SLC25A30: variants seen among roughly 807,000 people sequenced by gnomAD.
SLC25A30 encodes solute carrier family 25 member 30, also known as kidney mitochondrial carrier protein 1.
A neutral mutation model predicts 42.7 loss-of-function variants in SLC25A30; 29 were observed. The observed-to-expected ratio is 0.68, with a 90% CI of 0.51 to 0.93. The LOEUF is 0.93. Ranked by LOEUF, SLC25A30 falls within the 40% of genes least tolerant of loss-of-function variation. The pLI is 0.00. For synonymous variants in SLC25A30, 124 were observed against 131.0 expected (o/e 0.95, Z 0.37); for missense variants, 300 against 359.7 (o/e 0.83, Z 1.34).
intron 1 of SLC25A30, among the ~76,000 whole-genome samples, chr13:45,416,367 C>G (rs963421846): frequency 6.6e-6 from 1 of 151,872 alleles, no homozygotes; most frequent in Non-Finnish European, 1.5e-5. Flanking sequence ...GAGACCGCAC[C>G]ACTGCACCCC....
At chr13:45,404,518 T>C in intron 4 of SLC25A30, 106 bp from the exon 5 acceptor site, 2 of 804,214 alleles carry the variant, frequency 2.5e-6, no homozygotes, top group Non-Finnish European at 4.3e-6. Flanking sequence ...CACCTTAAGA[T>C]GTAAAAACAT....
chr13:45,427,539 T>TC, the SLC25A30 span, among the ~76,000 whole-genome samples: 2 of 152,076 alleles, frequency 1.3e-5, no homozygotes, highest in Non-Finnish European at 2.9e-5. Flanking sequence ...CATCCACGTT[T>TC]CCCCATCTCC....
chr13:45,423,598 T>TAAAAA, the SLC25A30 span, among the ~76,000 whole-genome samples: 1 of 105,192 alleles, frequency 9.5e-6, no homozygotes, highest in African/African-American at 3.9e-5. Flanking sequence ...TAAATATATA[T>TAAAAA]ATATATAAAT....
At chr13:45,420,703 T>A (rs190810953), upstream of SLC25A30, among the ~76,000 whole-genome samples, 6 of 152,036 alleles carry the variant, frequency 3.9e-5, no homozygotes, top group East Asian at 1.2e-3. Context: ...TGTGCTTTTG[T>A]TTTGTTTTGT....
the SLC25A30 span, among the ~76,000 whole-genome samples, chr13:45,433,443 C>G: frequency 1.3e-5 from 2 of 152,176 alleles, no homozygotes; most frequent in Non-Finnish European, 2.9e-5. Flanking sequence ...CAAGTACATT[C>G]ACAGAATAAC....
At chr13:45,429,654 G>A in the SLC25A30 span, among the ~76,000 whole-genome samples, 2 of 151,576 alleles carry the variant, frequency 1.3e-5, no homozygotes, top group African/African-American at 4.8e-5. Flanking sequence ...AACATGGAGA[G>A]ACCCTGTCTC....
rs868345827 is a variant in SLC25A30, at chr13:45,418,358, G to A, written c.-114C>T. 10 of 152,340 alleles carry A rather than the reference G, an allele frequency of 6.6e-5. No individual in the cohort carries two copies. The highest frequency in any genetic ancestry group is 1.9e-4 in the African/African-American group (8 of 41,448). 9.4% of individuals were successfully genotyped at this position (152,340 alleles called of 1,614,324 possible). The stretch of plus-strand genomic sequence containing the variant: ...GGACTCAGTTGTAACAAGAACCTGA[G>A]GCCGCTGGAGAAAAGGAAAAAATGC... On this transcript the variant is annotated 5_prime_UTR_variant, in exon 1 of 10. Transcript: ENST00000519676.
chr13:45,427,670 C>T, the SLC25A30 span, among the ~76,000 whole-genome samples: 2 of 152,004 alleles, frequency 1.3e-5, no homozygotes, highest in South Asian at 2.1e-4. Flanking sequence ...ATTAATCTGC[C>T]GTTTGTGAAT....
the SLC25A30 span, among the ~76,000 whole-genome samples, chr13:45,433,668 G>A: frequency 2.6e-5 from 4 of 152,198 alleles, no homozygotes; most frequent in African/African-American, 4.8e-5. Flanking sequence ...GGAAGAGTCA[G>A]GGAAGCTGGC....
upstream of SLC25A30, among the ~76,000 whole-genome samples, chr13:45,421,862 C>T (rs1213203654): frequency 6.6e-6 from 1 of 152,174 alleles, no homozygotes; most frequent in African/African-American, 2.4e-5. Context: ...CCATAAGAAT[C>T]CAGTTCCCTA....
rs114829654 is a variant in SLC25A30, at chr13:45,402,897, A to G, written c.394-527T>C. ...CATGATACCTGTTACACTCTGTTAC[A>G]CTTTAATTAGTGGAATCCACATGAC... On this transcript the variant is annotated intron_variant, in intron 5 of 9. Transcript: ENST00000519676. The G allele has an allele frequency of 5.5e-4, 398 of 719,422 alleles. 5 individuals are homozygous for G. The African/African-American group carries it at 7.2e-3, about 13-fold the overall frequency. 44.6% of individuals were successfully genotyped at this position (719,422 alleles called of 1,614,324 possible).
the SLC25A30 span, among the ~76,000 whole-genome samples, chr13:45,432,636 C>A: frequency 4.7e-5 from 7 of 149,908 alleles, no homozygotes. Context: ...AATACAATTT[C>A]AAAAATATGA....
At position 45,393,538 on chromosome 13, in the gene SLC25A30, A is replaced by G. The variant is rs78896652; in HGVS notation, c.*2436T>C. ...ACATTAAGCATCAATGATTACACAAATCCATAAGCACACAAACAAAAAAAC... is the reference window on the plus strand; with the variant it reads ...ACATTAAGCATCAATGATTACACAAGTCCATAAGCACACAAACAAAAAAAC... On this transcript the variant is annotated 3_prime_UTR_variant, in exon 10 of 10. Transcript: ENST00000519676. 2.6e-4 allele frequency: 261 copies of G among 985,428 alleles called. 6 individuals are homozygous for G. In the East Asian group the frequency reaches 0.027, roughly 100 times the overall value. The allele number at this position is 985,428 out of a possible 1,614,324, so 61.0% of individuals were successfully genotyped here. A position where few individuals can be genotyped will look rare whatever the true frequency, so the allele number is the denominator to read the frequency against.
At chr13:45,422,996 C>G (rs1043040225), upstream of SLC25A30, among the ~76,000 whole-genome samples, 2 of 152,108 alleles carry the variant, frequency 1.3e-5, no homozygotes, top group Non-Finnish European at 2.9e-5. Context: ...GCTATGAGAA[C>G]AGTTACCGCA....
intron 6 of SLC25A30, among the ~76,000 whole-genome samples, chr13:45,401,516 T>C (rs532359165): frequency 6.6e-6 from 1 of 152,270 alleles, no homozygotes; most frequent in South Asian, 2.1e-4. Context: ...TTAGGGGCTA[T>C]TCTATGAACT....
chr13:45,408,924 C>A lies in SLC25A30; in HGVS notation c.212+3G>T. 1 of 1,602,318 alleles carries A rather than the reference C, an allele frequency of 6.2e-7. No homozygotes were observed. On this transcript the variant is annotated splice_donor_region_variant and intron_variant, in intron 3 of 9. Coordinates refer to ENST00000519676, the MANE Select transcript of SLC25A30 (RefSeq NM_001010875.4). ...ACACAGAAATGCATGAAGGCCTACTCACCCCGAGTAGAGTGCTTTCAGCCC... is the reference window on the plus strand; with the variant it reads ...ACACAGAAATGCATGAAGGCCTACTAACCCCGAGTAGAGTGCTTTCAGCCC...
rs1881194481 is a variant in SLC25A30 at position 45,394,829 on chromosome 13, A to AT, written c.*1144dup. ...ATCATTTTTAAAATTTCAAGCAGGT[A>AT]TTTTCCATCCAAACTAAACAGAAAG... On this transcript the variant is annotated 3_prime_UTR_variant, in exon 10 of 10. Coordinates refer to ENST00000519676, the MANE Select transcript of SLC25A30 (RefSeq NM_001010875.4). 3 of 985,454 alleles carry AT rather than the reference A, an allele frequency of 3.0e-6. No individual in the cohort carries two copies. Among genetic ancestry groups the AT allele is most frequent in the Non-Finnish European group, 3.6e-6 (3 of 829,910 alleles). 61.0% of individuals were successfully genotyped at this position (985,454 alleles called of 1,614,324 possible).
the SLC25A30 span, among the ~76,000 whole-genome samples, chr13:45,424,979 T>C: frequency 2.8e-5 from 2 of 71,214 alleles, no homozygotes; most frequent in Non-Finnish European, 4.7e-5. Flanking sequence ...TATATAAGTA[T>C]ATAAAAATAT....
chr13:45,423,572 T>G, the SLC25A30 span, among the ~76,000 whole-genome samples: 17 of 82,398 alleles, frequency 2.1e-4, no homozygotes, highest in African/African-American at 7.0e-4. Context: ...TATATAAATA[T>G]ATATAAAAAT....
Sources: allele counts gnomAD v4.1 joint callset (sites outside exome capture counted in the v4.1 genomes callset), GRCh38; gene constraint gnomAD v4.1.1; transcripts MANE v1.5; gene names NCBI Gene and HGNC (gene_info 2026-07-23, HGNC 2026-07-21).